Variants in DPP10 observed in about 807,000 individuals in gnomAD.
DPP10 encodes inactive dipeptidyl peptidase 10.
DPP10 carries 33 observed loss-of-function variants against 120.9 expected under a neutral mutation model. The ratio of observed to expected loss-of-function variants is 0.27; its 90% CI spans 0.21 to 0.37. The LOEUF is 0.37. Ranked by LOEUF, DPP10 falls within the 10% of genes least tolerant of loss-of-function variation. The probability of loss-of-function intolerance (pLI) is 1.00; values close to 1 mark genes in which losing one functional copy is unlikely to be tolerated. For synonymous variants in DPP10, 337 were observed against 326.1 expected, an observed-to-expected ratio of 1.03 and a Z score of -0.36; for missense variants, 816 against 942.8, an observed-to-expected ratio of 0.87 and a Z score of 1.76.
At chr2:115,334,464 C>T (rs956807062) in intron 2 of DPP10, among the ~76,000 whole-genome samples, 1 of 151,214 alleles carries the variant, frequency 6.6e-6, no homozygotes, top group Non-Finnish European at 1.5e-5. Flanking sequence ...AGGTTTTCTT[C>T]ATTAAAGAGC....
chr2:114,714,866 G>A (rs1477384257), intron 1 of DPP10, among the ~76,000 whole-genome samples: 2 of 151,898 alleles, frequency 1.3e-5, no homozygotes, highest in Non-Finnish European at 2.9e-5. Context: ...TAGGAAGACT[G>A]GACAAATAAA....
intron 1 of DPP10, among the ~76,000 whole-genome samples, chr2:115,035,518 C>CA (rs2105268830): frequency 6.6e-6 from 1 of 152,288 alleles, no homozygotes; most frequent in East Asian, 1.9e-4. Context: ...TTATATTTGA[C>CA]ACACAACAAA....
intron 1 of DPP10, among the ~76,000 whole-genome samples, chr2:114,617,235 G>A (rs1336448373): frequency 1.3e-5 from 2 of 152,038 alleles, no homozygotes; most frequent in African/African-American, 4.8e-5. Flanking sequence ...GGACATTTAC[G>A]TATGGGTCAG....
intron 3 of DPP10, among the ~76,000 whole-genome samples, chr2:115,443,367 A>G (rs962136557): frequency 2.0e-5 from 3 of 152,188 alleles, no homozygotes; most frequent in African/African-American, 7.2e-5. Flanking sequence ...CTTCAGAGAT[A>G]AACAACTCAT....
At chr2:115,632,837 T>C (rs12711829) in intron 5 of DPP10, among the ~76,000 whole-genome samples, 34,182 of 151,734 alleles carry the variant, frequency 0.23, 4,232 homozygotes, top group East Asian at 0.38. Context: ...AAAATGCTCA[T>C]CATCACTGGC....
intron 1 of DPP10, among the ~76,000 whole-genome samples, chr2:114,854,654 T>A (rs1202559156): frequency 1.3e-5 from 2 of 152,206 alleles, no homozygotes; most frequent in Non-Finnish European, 2.9e-5. Context: ...AGGCTTGTCC[T>A]TTTCTTTGTT....
chr2:114,570,176 T>C (rs1398048628), intron 1 of DPP10, among the ~76,000 whole-genome samples: 1 of 152,172 alleles, frequency 6.6e-6, no homozygotes, highest in Non-Finnish European at 1.5e-5. Context: ...AACAGATTTA[T>C]AAAAACTATT....
At chr2:115,498,154 A>C (rs944756235) in intron 3 of DPP10, among the ~76,000 whole-genome samples, 2 of 152,058 alleles carry the variant, frequency 1.3e-5, no homozygotes, top group African/African-American at 4.8e-5. Context: ...CAGTTCCAAC[A>C]TGTCACTGTT....
intron 1 of DPP10, among the ~76,000 whole-genome samples, chr2:115,193,117 G>A (rs900798904): frequency 8.5e-5 from 13 of 152,168 alleles, no homozygotes; most frequent in African/African-American, 3.1e-4. Flanking sequence ...TCAGGAGGCC[G>A]AATTACTTTT....
At chr2:115,206,380 T>A (rs1174844056) in intron 1 of DPP10, among the ~76,000 whole-genome samples, 1 of 152,174 alleles carries the variant, frequency 6.6e-6, no homozygotes, top group Admixed American at 6.6e-5. Context: ...AAAAAAAGTT[T>A]CATGAAGAGA....
At chr2:115,005,824 C>A (rs953945628) in intron 1 of DPP10, among the ~76,000 whole-genome samples, 6 of 152,118 alleles carry the variant, frequency 3.9e-5, no homozygotes, top group Non-Finnish European at 2.9e-5. Flanking sequence ...TTTCCCCAAT[C>A]TAGCAAGGCA....
chr2:114,859,202 A>ACC lies in DPP10; in HGVS notation c.60+416364_60+416365insCC, dbSNP rs1244678688. 3.2e-3 allele frequency among the ~76,000 whole-genome samples: 481 copies of ACC among 152,012 alleles called. 1 individual carries two copies. Among genetic ancestry groups the ACC allele is most frequent in the African/African-American group, 0.011 (466 of 41,490 alleles). ...GAAAAAAAGAACAAACAAACAAACAAAAAAACCCCACAGAATTAGCCAGGA... is the reference window on the plus strand; with the variant it reads ...GAAAAAAAGAACAAACAAACAAACAACCAAAAACCCCACAGAATTAGCCAGGA... On this transcript the variant is annotated intron_variant, in intron 1 of 25. Transcript: ENST00000410059.
intron 5 of DPP10, among the ~76,000 whole-genome samples, chr2:115,688,758 G>C (rs1288950865): frequency 2.0e-5 from 3 of 152,064 alleles, no homozygotes; most frequent in Non-Finnish European, 4.4e-5. Flanking sequence ...ACAGTCTTTT[G>C]TTTGAAATTT....
intron 8 of DPP10, among the ~76,000 whole-genome samples, chr2:115,736,126 C>G (rs1363034321): frequency 6.6e-6 from 1 of 152,046 alleles, no homozygotes; most frequent in Non-Finnish European, 1.5e-5. Flanking sequence ...TGGATACCCT[C>G]GTCCTTTAGG....
In DPP10 at chr2:115,209,737, CTG is replaced by C. The variant is rs776773105; in HGVS notation, c.61-99498_61-99497del. Among the ~76,000 whole-genome samples, 104 of 152,232 alleles carry C rather than the reference CTG, an allele frequency of 6.8e-4. 1 individual carries two copies. Among genetic ancestry groups the C allele is most frequent in the Non-Finnish European group, 1.2e-3 (84 of 68,012 alleles). On this transcript the variant is annotated intron_variant, in intron 1 of 25. Transcript: ENST00000410059. ...TAACTCGATAACTGCAAAGAAGAAA[CTG>C]TGTTTCCTGGGAGAGGAATTATTGC... is the stretch of plus-strand genomic sequence containing the variant.
chr2:114,960,930 CA>C (rs1436321203), intron 1 of DPP10, among the ~76,000 whole-genome samples: 1 of 136,324 alleles, frequency 7.3e-6, no homozygotes, highest in Non-Finnish European at 1.6e-5. Flanking sequence ...AAATAGACAA[CA>C]AAAAAATCTA....
intron 1 of DPP10, among the ~76,000 whole-genome samples, chr2:115,230,220 T>C (rs1283667325): frequency 7.2e-5 from 11 of 152,106 alleles, no homozygotes. Flanking sequence ...GATTTCTTTT[T>C]CAGATTGTTT....
chr2:115,234,495 A>C (rs2057899119), intron 1 of DPP10: 1 of 152,558 alleles, frequency 6.6e-6, no homozygotes, highest in Admixed American at 6.5e-5. Context: ...ATTTTACTAA[A>C]CTGGCCCTGA....
chr2:114,700,173 C>T (rs1460878324), intron 1 of DPP10, among the ~76,000 whole-genome samples: 1 of 152,016 alleles, frequency 6.6e-6, no homozygotes, highest in Admixed American at 6.6e-5. Context: ...AGTAACTGTT[C>T]AAATAAAAAC....
Sources: gnomAD v4.1 joint callset for allele counts (sites outside exome capture counted in the v4.1 genomes callset) on GRCh38, gnomAD v4.1.1 for gene constraint, MANE v1.5 for transcripts, NCBI Gene and HGNC (gene_info 2026-07-23, HGNC 2026-07-21) for gene names.